Variants in ARID4B observed in about 807,000 individuals in gnomAD.
ARID4B encodes AT-rich interaction domain 4B.
A neutral mutation model predicts 147.5 loss-of-function variants in ARID4B; 26 were observed. The ratio of observed to expected loss-of-function variants is 0.18; its 90% CI spans 0.13 to 0.24. The LOEUF is 0.24. Ranked by LOEUF, ARID4B falls within the 10% of genes least tolerant of loss-of-function variation. The pLI is 1.00. For missense variants in ARID4B, 1,179 were observed against 1,511.5 expected, an observed-to-expected ratio of 0.78 and a Z score of 3.65; for synonymous variants, 512 against 507.9, an observed-to-expected ratio of 1.01 and a Z score of -0.11.
In ARID4B at chr1:235,175,385, T is replaced by C; in HGVS notation, c.3463A>G (p.Ser1155Gly). Residue 1155 changes from serine to glycine, a missense_variant, in exon 22 of 24, where the codon AGT becomes GGT. Transcript: ENST00000264183. ...CTTTCACCAGCTGAAAGTTCTTCAC[T>C]ATCACTACTATTTGCTGAAAGAGAA... ...KKGKGTNSSD[S>G]EELSAGESIT... 6.2e-7 allele frequency: 1 copy of C among 1,611,732 alleles called. No individual in the cohort carries two copies. Among genetic ancestry groups the C allele is most frequent in the South Asian group, 1.1e-5 (1 of 90,904 alleles).
chr1:235,241,563 G>A (rs1171742954), intron 7 of ARID4B, among the ~76,000 whole-genome samples: 1 of 152,030 alleles, frequency 6.6e-6, no homozygotes, highest in Non-Finnish European at 1.5e-5. Flanking sequence ...TCTGTTGCCG[G>A]GCTGGAGTGC....
At chr1:235,278,611 A>C (rs959411433) in intron 2 of ARID4B, among the ~76,000 whole-genome samples, 2 of 152,228 alleles carry the variant, frequency 1.3e-5, no homozygotes, top group Non-Finnish European at 2.9e-5. Context: ...GTGAACTGTT[A>C]ATTTACTTAT....
chr1:235,267,512 T>C (rs575747403), intron 2 of ARID4B, among the ~76,000 whole-genome samples: 2 of 151,542 alleles, frequency 1.3e-5, no homozygotes, highest in Non-Finnish European at 2.9e-5. Context: ...GGAGGGAATA[T>C]AAAAAAAATG....
chr1:235,194,001 T>A lies in ARID4B; in HGVS notation c.2125+12A>T. 6.9e-7 allele frequency: 1 copy of A among 1,445,652 alleles called. No homozygotes were observed. Among genetic ancestry groups the A allele is most frequent in the Non-Finnish European group, 9.5e-7 (1 of 1,055,578 alleles). The allele number at this position is 1,445,652 out of a possible 1,614,324, so 89.6% of individuals were successfully genotyped here. On this transcript the variant is annotated intron_variant, in intron 19 of 23. Coordinates refer to ENST00000264183, the MANE Select transcript of ARID4B (RefSeq NM_016374.6). ...TCAAATACTTGCACAACAGAACGATTGTTATGTTTACCTTGAAGTCCATTA... is the reference window on the plus strand; with the variant it reads ...TCAAATACTTGCACAACAGAACGATAGTTATGTTTACCTTGAAGTCCATTA...
At chr1:235,287,342 C>T (rs1672044157) in intron 2 of ARID4B, among the ~76,000 whole-genome samples, 1 of 151,936 alleles carries the variant, frequency 6.6e-6, no homozygotes, top group Non-Finnish European at 1.5e-5. Flanking sequence ...TCCCAGACTA[C>T]TAAACAAAGA....
chr1:235,201,567 G>A (rs536799924), intron 17 of ARID4B, among the ~76,000 whole-genome samples: 5 of 152,182 alleles, frequency 3.3e-5, no homozygotes, highest in South Asian at 2.1e-4. Flanking sequence ...CTAGTGATTC[G>A]CCCACCTTGG....
At position 235,174,672 on chromosome 1, in the gene ARID4B, T is replaced by A. The variant is rs149505332; in HGVS notation, c.3664+512A>T. 1.0e-4 allele frequency among the ~76,000 whole-genome samples: 15 copies of A among 150,620 alleles called. No individual in the cohort carries two copies. In the East Asian group the frequency reaches 3.0e-3, roughly 30 times the overall value. ...AACAACAACAAAAAAATTAGCCAGG[T>A]GTGGTGGTGGGCGTCTGTAATCCCA... On this transcript the variant is annotated intron_variant, in intron 22 of 23. Transcript: ENST00000264183.
intron 8 of ARID4B, among the ~76,000 whole-genome samples, chr1:235,239,684 G>A (rs1219724233): frequency 3.3e-5 from 5 of 152,158 alleles, no homozygotes; most frequent in South Asian, 2.1e-4. Flanking sequence ...GGACAATCAT[G>A]AGGATACTCC....
intron 2 of ARID4B, among the ~76,000 whole-genome samples, chr1:235,309,614 C>T (rs1258231090): frequency 1.3e-5 from 2 of 151,576 alleles, no homozygotes; most frequent in Admixed American, 1.3e-4. Flanking sequence ...CTCTGCCCGG[C>T]CACCCCTACT....
At chr1:235,201,166 AAAT>A (rs1665889626) in intron 17 of ARID4B, among the ~76,000 whole-genome samples, 1 of 152,094 alleles carries the variant, frequency 6.6e-6, no homozygotes, top group Non-Finnish European at 1.5e-5. Flanking sequence ...AAATAAATAA[AAAT>A]AAAGTAAAAC....
intron 13 of ARID4B, among the ~76,000 whole-genome samples, chr1:235,221,886 A>ATTTTTTTTTTTTTTTTTTTTTTTTTTTT (rs768600040): frequency 1.9e-5 from 1 of 53,660 alleles, no homozygotes; most frequent in Non-Finnish European, 3.2e-5. Flanking sequence ...TCATTTGACT[A>ATTTTTTTTTTTTTTTTTTTTTTTTTTTT]TTTTTTTTTT....
Position 235,257,177 on chromosome 1 carries a change from T to G in ARID4B, c.166A>C (p.Ile56Leu). ...TGAATTACCTTTAGTGGGCCCTTTA[T>G]GTGGTCATCCTGAACTTCCACTGTT... ...SSTVEVQDDH[I>L]KGPLKVGAIV... is the part of the protein sequence containing the mutation. The change falls in exon 4 of 24, where the codon ATA becomes CTA. Residue 56 changes from isoleucine (I) to leucine (L), a missense_variant. Physicochemically the swap from Ile to Leu is conservative, Grantham distance 5. Transcript: ENST00000264183. 6.2e-7 allele frequency: 1 copy of G among 1,612,220 alleles called. No homozygotes were observed. The highest frequency in any genetic ancestry group is 8.5e-7 in the Non-Finnish European group (1 of 1,178,374).
At chr1:235,309,841 C>T (rs192368974) in intron 2 of ARID4B, among the ~76,000 whole-genome samples, 3 of 152,306 alleles carry the variant, frequency 2.0e-5, no homozygotes, top group South Asian at 2.1e-4. Context: ...AAAAATTCTT[C>T]GGCCTTGGGA....
chr1:235,173,691 C>T (rs1485168898), intron 22 of ARID4B, among the ~76,000 whole-genome samples: 1 of 127,472 alleles, frequency 7.8e-6, no homozygotes, highest in Non-Finnish European at 1.6e-5. Flanking sequence ...CAGTCTTGAG[C>T]TCAGGAGTTC....
At chr1:235,259,617 C>A (rs1007900005) in intron 3 of ARID4B, among the ~76,000 whole-genome samples, 3 of 152,154 alleles carry the variant, frequency 2.0e-5, no homozygotes, top group Non-Finnish European at 4.4e-5. Flanking sequence ...AAAGCACCAA[C>A]CACCAAGCAT....
chr1:235,183,627 C>T (rs1664472830), intron 19 of ARID4B, among the ~76,000 whole-genome samples: 1 of 152,226 alleles, frequency 6.6e-6, no homozygotes, highest in Non-Finnish European at 1.5e-5. Flanking sequence ...GCCTCAAACT[C>T]CTAGGCTCAA....
At position 235,168,661 on chromosome 1, in the gene ARID4B, A is replaced by T; in HGVS notation, c.3812-9T>A. On this transcript the variant is annotated splice_polypyrimidine_tract_variant and intron_variant, in intron 23 of 23. Coordinates refer to ENST00000264183, the MANE Select transcript of ARID4B (RefSeq NM_016374.6). Reference sequence around the variant, plus strand: ...TGAGGATGTAGCAGCACCTAAGGAAAAGGGAGACCAAACCAAGAGCTTAAT... The same window carrying T: ...TGAGGATGTAGCAGCACCTAAGGAATAGGGAGACCAAACCAAGAGCTTAAT... 6.2e-7 allele frequency: 1 copy of T among 1,610,186 alleles called. No individual in the cohort carries two copies.
At chr1:235,309,167 A>C (rs1162334445) in intron 2 of ARID4B, among the ~76,000 whole-genome samples, 1 of 136,826 alleles carries the variant, frequency 7.3e-6, no homozygotes, top group African/African-American at 2.8e-5. Context: ...CCCGGCCGTG[A>C]CCCCGTCTGG....
chr1:235,230,959 CAT>C (rs1190476597), intron 10 of ARID4B, among the ~76,000 whole-genome samples, 152 bp downstream of exon 10: 1 of 150,802 alleles, frequency 6.6e-6, no homozygotes, highest in African/African-American at 2.4e-5. Context: ...ACAGAAGACA[CAT>C]GGGTTTATAA....
Sources: allele counts gnomAD v4.1 joint callset (sites outside exome capture counted in the v4.1 genomes callset), GRCh38; gene constraint gnomAD v4.1.1; transcripts MANE v1.5; gene names NCBI Gene and HGNC (gene_info 2026-07-23, HGNC 2026-07-21).